SORCS1: variants seen among roughly 807,000 people sequenced by gnomAD.
SORCS1 encodes sortilin related VPS10 domain containing receptor 1.
Under a neutral mutation model 146.1 loss-of-function variants are expected in SORCS1, and 60 were observed. The observed-to-expected ratio is 0.41, with a 90% CI of 0.33 to 0.51. The LOEUF (loss-of-function observed/expected upper bound fraction) is 0.51. Ranked by LOEUF, SORCS1 falls within the 20% of genes least tolerant of loss-of-function variation. SORCS1 has a pLI of 0.21. For missense variants in SORCS1, 1,352 were observed against 1,487.6 expected (o/e 0.91, Z 1.50); for synonymous variants, 637 against 584.0 (o/e 1.09, Z -1.31).
At chr10:106,864,627 A>C (rs371765247) in intron 2 of SORCS1, among the ~76,000 whole-genome samples, 3 of 152,138 alleles carry the variant, frequency 2.0e-5, no homozygotes, top group African/African-American at 7.2e-5. Flanking sequence ...ATTCATCTTC[A>C]GGCCCTACTC....
In SORCS1 at chr10:107,060,104, C is replaced by T. The variant is rs1307037673; in HGVS notation, c.559-103524G>A. On this transcript the variant is annotated intron_variant, in intron 1 of 25. Transcript: ENST00000263054. This position sits in a 1 kb window ranked among gnomAD's most constrained non-coding sequence, Gnocchi z 4.1. Reference sequence around the variant, plus strand: ...CATAGCTGTACTCTAGCTGACAAATCGCCTGCCAGACCTCATCACACACAC... The same window carrying T: ...CATAGCTGTACTCTAGCTGACAAATTGCCTGCCAGACCTCATCACACACAC... 6.6e-6 allele frequency among the ~76,000 whole-genome samples: 1 copy of T among 151,910 alleles called. No individual in the cohort carries two copies. The highest frequency in any genetic ancestry group is 1.5e-5 in the Non-Finnish European group (1 of 67,986).
intron 1 of SORCS1, chr10:106,970,250 C>A (rs188373864): frequency 6.6e-6 from 1 of 151,010 alleles, no homozygotes; most frequent in East Asian, 2.0e-4. Flanking sequence ...TTAGTAGGTA[C>A]TATTGTCATT....
chr10:106,775,881 T>G lies in SORCS1; in HGVS notation c.885+653A>C, dbSNP rs376699845. On this transcript the variant is annotated intron_variant, in intron 4 of 25. Coordinates refer to ENST00000263054, the MANE Select transcript of SORCS1 (RefSeq NM_052918.5). Reference sequence around the variant, plus strand: ...GGCAGGGACCATATGTATGTTATAGTATATATGTCGTATAGAGTACATAAT... The same window carrying G: ...GGCAGGGACCATATGTATGTTATAGGATATATGTCGTATAGAGTACATAAT... 1.7e-4 allele frequency among the ~76,000 whole-genome samples: 26 copies of G among 152,338 alleles called. No individual in the cohort carries two copies. The East Asian group carries it at 5.0e-3, about 29-fold the overall frequency.
chr10:106,730,265 C>T (rs994845198), intron 5 of SORCS1, 151 bp from the exon 6 acceptor site: 24 of 642,466 alleles, frequency 3.7e-5, no homozygotes, highest in African/African-American at 3.7e-4. Flanking sequence ...ATTTATACAG[C>T]CTGACAGTAA....
intron 2 of SORCS1, among the ~76,000 whole-genome samples, chr10:106,921,398 C>A (rs1336620): frequency 0.88 from 134,424 of 152,154 alleles, 60,860 homozygotes; most frequent in Non-Finnish European, 1. Flanking sequence ...AAATTCCTGA[C>A]ATAGGGAAAA....
At chr10:107,019,177 A>G (rs190348095) in intron 1 of SORCS1, among the ~76,000 whole-genome samples, 9 of 152,344 alleles carry the variant, frequency 5.9e-5, no homozygotes, top group Admixed American at 4.6e-4. Flanking sequence ...TAGATTGTAG[A>G]TCTAGCCTGT....
intron 8 of SORCS1, among the ~76,000 whole-genome samples, chr10:106,703,823 A>G (rs1181253836): frequency 6.6e-6 from 1 of 152,182 alleles, no homozygotes; most frequent in Non-Finnish European, 1.5e-5. Context: ...GATTGTAATA[A>G]AGAATCTCAT....
At chr10:107,131,510 G>A (rs567191689) in intron 1 of SORCS1, among the ~76,000 whole-genome samples, 1 of 152,248 alleles carries the variant, frequency 6.6e-6, no homozygotes, top group East Asian at 1.9e-4. Context: ...ATTACCTGAG[G>A]TGAGGAATTT....
chr10:106,754,303 C>G (rs1056582615), intron 5 of SORCS1, among the ~76,000 whole-genome samples: 2 of 152,098 alleles, frequency 1.3e-5, no homozygotes, highest in African/African-American at 4.8e-5. Flanking sequence ...ATATTTTGCC[C>G]AAGTGAAGCT....
intron 2 of SORCS1, among the ~76,000 whole-genome samples, chr10:106,947,781 G>A (rs1331280971): frequency 6.6e-6 from 1 of 151,896 alleles, no homozygotes; most frequent in South Asian, 2.1e-4. Context: ...GAGAGAGGCA[G>A]AGGTTGCAGT....
At chr10:107,101,377 C>T (rs1964914249) in intron 1 of SORCS1, among the ~76,000 whole-genome samples, 1 of 152,158 alleles carries the variant, frequency 6.6e-6, no homozygotes, top group Admixed American at 6.5e-5. Flanking sequence ...AACATGGTCT[C>T]ACTATGTGAC....
intron 19 of SORCS1, among the ~76,000 whole-genome samples, chr10:106,628,900 G>T (rs984955912): frequency 5.3e-5 from 8 of 152,138 alleles, no homozygotes; most frequent in Admixed American, 2.0e-4. Context: ...CAACCAAATA[G>T]CTCTGCAAGT....
intron 4 of SORCS1, among the ~76,000 whole-genome samples, chr10:106,765,022 C>CAA (rs10582038): frequency 1.6e-3 from 118 of 72,798 alleles, no homozygotes; most frequent in East Asian, 2.9e-3. Context: ...GACACTGTCT[C>CAA]AAAAAAAAAA....
intron 4 of SORCS1, among the ~76,000 whole-genome samples, chr10:106,774,514 T>C (rs1382519864): frequency 6.6e-6 from 1 of 151,888 alleles, no homozygotes; most frequent in Non-Finnish European, 1.5e-5. Flanking sequence ...AAATTTGCAA[T>C]TTTGTAAATG....
the SORCS1 span, among the ~76,000 whole-genome samples, chr10:107,173,951 T>A: frequency 6.6e-6 from 1 of 152,212 alleles, no homozygotes; most frequent in Admixed American, 6.5e-5. Context: ...AACATCATAA[T>A]ACATCATAAA....
At chr10:106,876,693 C>A (rs1458731570) in intron 2 of SORCS1, among the ~76,000 whole-genome samples, 1 of 152,218 alleles carries the variant, frequency 6.6e-6, no homozygotes, top group Non-Finnish European at 1.5e-5. Flanking sequence ...GAGTGATGAT[C>A]TCCTAAAATC....
At chr10:107,084,808 C>T (rs1963640862) in intron 1 of SORCS1, among the ~76,000 whole-genome samples, 1 of 152,122 alleles carries the variant, frequency 6.6e-6, no homozygotes, top group African/African-American at 2.4e-5. Context: ...TCAAAAGTTA[C>T]TGTGAGTTTA....
chr10:106,942,799 C>A (rs1954115213), intron 2 of SORCS1, among the ~76,000 whole-genome samples: 1 of 152,192 alleles, frequency 6.6e-6, no homozygotes, highest in African/African-American at 2.4e-5. Flanking sequence ...ACTCAATTCT[C>A]TATCAGTTCT....
At chr10:106,890,721 A>G (rs1951196125) in intron 2 of SORCS1, among the ~76,000 whole-genome samples, 1 of 152,198 alleles carries the variant, frequency 6.6e-6, no homozygotes, top group Admixed American at 6.5e-5. Context: ...CGATGTAGAG[A>G]GCCCTAACAT....
Sources: gnomAD v4.1 joint callset for allele counts (sites outside exome capture counted in the v4.1 genomes callset) on GRCh38, gnomAD v4.1.1 for gene constraint, Gnocchi (gnomAD v3.1) non-coding constraint, MANE v1.5 for transcripts, NCBI Gene and HGNC (gene_info 2026-07-23, HGNC 2026-07-21) for gene names.